The following GALNT10 variants were observed in gnomAD, a reference collection of about 807,000 sequenced individuals.
GALNT10 encodes the protein polypeptide N-acetylgalactosaminyltransferase 10, also known as GalNAc transferase 10.
In GALNT10, 41 loss-of-function variants were observed where a neutral mutation model predicts 75.0. That is an observed-to-expected ratio of 0.55 (90% CI 0.43 to 0.71). The LOEUF (loss-of-function observed/expected upper bound fraction) is 0.71, where lower values mean the gene tolerates loss of function less well. Among genes scored for constraint, GALNT10 ranks in the 30% least tolerant of loss-of-function variants. The pLI is 0.00. For missense variants in GALNT10, 727 were observed against 818.5 expected (o/e 0.89, Z 1.36); for synonymous variants, 302 against 313.0 (o/e 0.96, Z 0.37).
At chr5:154,211,601 A>G (rs538294020) in intron 1 of GALNT10, among the ~76,000 whole-genome samples, 7 of 152,312 alleles carry the variant, frequency 4.6e-5, no homozygotes, top group Non-Finnish European at 8.8e-5. Context: ...AACATTTGTT[A>G]TCTTAAAGTT....
At chr5:154,221,004 G>A (rs1752969597) in intron 1 of GALNT10, among the ~76,000 whole-genome samples, 1 of 152,186 alleles carries the variant, frequency 6.6e-6, no homozygotes, top group Non-Finnish European at 1.5e-5. Flanking sequence ...TGCCTGCAGG[G>A]TCTTGATTGT....
chr5:154,301,302 T>C (rs1219141619), intron 3 of GALNT10, among the ~76,000 whole-genome samples: 3 of 152,224 alleles, frequency 2.0e-5, no homozygotes, highest in Non-Finnish European at 4.4e-5. Flanking sequence ...TACAGACCTC[T>C]TGAATCCCAT....
At position 154,409,796 on chromosome 5, in the gene GALNT10, T is replaced by A; in HGVS notation, c.1386+34T>A. The stretch of plus-strand genomic sequence containing the variant: ...GGAGGGCAGGGCTGGCTCCATAATT[T>A]AATGGGTGTGCAAAATGCAAATGCA... On this transcript the variant is annotated intron_variant, in intron 9 of 11. Coordinates refer to ENST00000297107, the MANE Select transcript of GALNT10 (RefSeq NM_198321.4). This position sits in a 1 kb window ranked among gnomAD's most constrained non-coding sequence, Gnocchi z 4.5. 1.4e-6 allele frequency: 2 copies of A among 1,405,698 alleles called. No individual in the cohort carries two copies. Among genetic ancestry groups the A allele is most frequent in the Non-Finnish European group, 2.0e-6 (2 of 990,856 alleles). The allele number at this position is 1,405,698 out of a possible 1,614,324, so 87.1% of individuals were successfully genotyped here. A position where few individuals can be genotyped will look rare whatever the true frequency, so the allele number is the denominator to read the frequency against.
intron 2 of GALNT10, among the ~76,000 whole-genome samples, chr5:154,296,893 C>T (rs1314107036): frequency 6.6e-6 from 1 of 152,174 alleles, no homozygotes; most frequent in African/African-American, 2.4e-5. Context: ...ATGACAGAGA[C>T]CTGTTTCTTG....
chr5:154,386,585 G>GC, intron 7 of GALNT10, 155 bp downstream of exon 7: 1 of 359,452 alleles, frequency 2.8e-6, no homozygotes, highest in Non-Finnish European at 5.5e-6. Flanking sequence ...GGGCTCATGG[G>GC]CCACTCTTTG....
At chr5:154,225,030 C>T (rs1019600119) in intron 1 of GALNT10, among the ~76,000 whole-genome samples, 3 of 151,962 alleles carry the variant, frequency 2.0e-5, no homozygotes, top group Non-Finnish European at 2.9e-5. Flanking sequence ...AGTCCACCCA[C>T]CTCAGCCTCC....
intron 3 of GALNT10, among the ~76,000 whole-genome samples, chr5:154,306,831 G>C (rs968268679): frequency 2.6e-5 from 4 of 152,072 alleles, no homozygotes; most frequent in African/African-American, 9.7e-5. Context: ...AATACAGATA[G>C]ACAGAAAATC....
At chr5:154,308,722 A>G (rs1306006935) in intron 3 of GALNT10, among the ~76,000 whole-genome samples, 1 of 152,230 alleles carries the variant, frequency 6.6e-6, no homozygotes, top group Non-Finnish European at 1.5e-5. Context: ...TCTGCAGCTC[A>G]TCTGAAATGC....
intron 1 of GALNT10, among the ~76,000 whole-genome samples, chr5:154,199,644 C>T (rs1937586151): frequency 6.6e-6 from 1 of 152,186 alleles, no homozygotes; most frequent in African/African-American, 2.4e-5. Context: ...GCGTGCTCTG[C>T]CTTCCTGCCA....
At chr5:154,287,217 C>T (rs115677732) in intron 1 of GALNT10, among the ~76,000 whole-genome samples, 5,254 of 152,268 alleles carry the variant, frequency 0.035, 286 homozygotes, top group African/African-American at 0.12. Flanking sequence ...ACTGTGGCTG[C>T]CCACCTGCCA....
intron 1 of GALNT10, among the ~76,000 whole-genome samples, chr5:154,212,510 G>C (rs1027552004): frequency 6.6e-6 from 1 of 152,214 alleles, no homozygotes; most frequent in Non-Finnish European, 1.5e-5. Context: ...TTGTGGAGTT[G>C]CTGTCATCCC....
At chr5:154,359,238 C>T (rs897492437) in intron 4 of GALNT10, among the ~76,000 whole-genome samples, 1 of 152,114 alleles carries the variant, frequency 6.6e-6, no homozygotes, top group African/African-American at 2.4e-5. Flanking sequence ...TTGCTAGAGC[C>T]TCATTTTGCC....
intron 2 of GALNT10, among the ~76,000 whole-genome samples, chr5:154,295,507 A>G (rs1754260144): frequency 6.6e-6 from 1 of 152,276 alleles, no homozygotes; most frequent in South Asian, 2.1e-4. Context: ...CCTACCTAAC[A>G]CTGCAGCCAT....
intron 3 of GALNT10, among the ~76,000 whole-genome samples, chr5:154,303,567 C>G (rs1240694723): frequency 1.3e-5 from 2 of 152,146 alleles, no homozygotes; most frequent in Admixed American, 1.3e-4. Flanking sequence ...TTCCCACCAC[C>G]CAGACTGGAA....
rs922657854 is a variant in GALNT10, at chr5:154,190,742, CG to C, written c.-121del. 5 of 269,182 alleles carry C rather than the reference CG, an allele frequency of 1.9e-5. No individual in the cohort carries two copies. Among genetic ancestry groups the C allele is most frequent in the Non-Finnish European group, 2.8e-5 (5 of 177,644 alleles). 16.7% of individuals were successfully genotyped at this position (269,182 alleles called of 1,614,324 possible). ...CGGCGGAAGTGCCGCGGAGTTGGAG[CG>C]GGGCCGGCGCCGCAGCCGCTTCTGC... is the stretch of plus-strand genomic sequence containing the variant. On this transcript the variant is annotated 5_prime_UTR_variant, in exon 1 of 12. Transcript: ENST00000297107.
Position 154,329,713 on chromosome 5 carries a change from A to G in GALNT10, c.543A>G (p.Val181=), listed in dbSNP as rs34449026. The G allele has an allele frequency of 0.014, 22,334 of 1,613,544 alleles. 1,619 individuals carry two copies. In the African/African-American group the frequency reaches 0.2, roughly 14 times the overall value. ...CTCCAGAGCTGGTCGCCGAGATTGT[A>G]CTGGTCGACGACTTCAGTGATCGAG... The part of the protein sequence containing the change: ...RSPPELVAEI[V]LVDDFSDREH... Residue 181 remains valine (V), a synonymous_variant, in exon 4 of 12, where the codon GTA becomes GTG. Coordinates refer to ENST00000297107, the MANE Select transcript of GALNT10 (RefSeq NM_198321.4).
At chr5:154,395,775 C>T (rs950647548) in intron 7 of GALNT10, among the ~76,000 whole-genome samples, 3 of 152,216 alleles carry the variant, frequency 2.0e-5, no homozygotes, top group African/African-American at 7.2e-5. Flanking sequence ...TCACCTGAGA[C>T]GCTGTCACCA....
Position 154,416,998 on chromosome 5 carries a change from C to T in GALNT10, c.*26C>T, listed in dbSNP as rs1756527577. On this transcript the variant is annotated 3_prime_UTR_variant, in exon 12 of 12. Transcript: ENST00000297107. This position sits in a 1 kb window ranked among gnomAD's most constrained non-coding sequence, Gnocchi z 4.5. The stretch of plus-strand genomic sequence containing the variant: ...GCCCTCATGTCCCCTTGGCAGGCCC[C>T]CCAGGGTCTGGCACTCACTGCAGAC... 4.3e-6 allele frequency: 7 copies of T among 1,609,872 alleles called. No homozygotes were observed. Among genetic ancestry groups the T allele is most frequent in the Non-Finnish European group, 6.0e-6 (7 of 1,176,464 alleles).
intron 1 of GALNT10, among the ~76,000 whole-genome samples, chr5:154,242,128 C>A (rs73802963): frequency 0.015 from 2,308 of 152,288 alleles, 50 homozygotes; most frequent in African/African-American, 0.053. Flanking sequence ...TCTCAGGGAA[C>A]TTTTAAGGGA....
Sources: allele counts gnomAD v4.1 joint callset (sites outside exome capture counted in the v4.1 genomes callset), GRCh38; gene constraint gnomAD v4.1.1; non-coding constraint Gnocchi (gnomAD v3.1); transcripts MANE v1.5; gene names NCBI Gene and HGNC (gene_info 2026-07-23, HGNC 2026-07-21).